Variants in LRRC4C observed in about 807,000 individuals in gnomAD.
LRRC4C encodes the protein leucine-rich repeat-containing protein 4C.
A neutral mutation model predicts 33.6 loss-of-function variants in LRRC4C; 5 were observed. The observed-to-expected ratio is 0.15, with a 90% confidence interval of 0.08 to 0.31. The LOEUF (loss-of-function observed/expected upper bound fraction) is 0.31. LRRC4C is among the 10% of genes least tolerant of loss of function. The pLI, the probability that LRRC4C is intolerant of heterozygous loss-of-function variation, is 1.00. For missense variants in LRRC4C, 560 were observed against 796.7 expected, an observed-to-expected ratio of 0.70 and a Z score of 3.58; for synonymous variants, 329 against 302.0, an observed-to-expected ratio of 1.09 and a Z score of -0.93.
At chr11:40,921,667 A>ATT (rs1240994262) in intron 2 of LRRC4C, among the ~76,000 whole-genome samples, 8 of 152,310 alleles carry the variant, frequency 5.3e-5, no homozygotes, top group Admixed American at 1.3e-4. Context: ...TACATATGAC[A>ATT]TTTTGATACC....
intron 1 of LRRC4C, among the ~76,000 whole-genome samples, chr11:41,056,038 T>G (rs1858597233): frequency 6.6e-6 from 1 of 152,220 alleles, no homozygotes; most frequent in African/African-American, 2.4e-5. Flanking sequence ...CACAAGATCA[T>G]GGGTCCTCAG....
intron 1 of LRRC4C, among the ~76,000 whole-genome samples, chr11:41,065,384 T>G (rs1938152668): frequency 6.6e-6 from 1 of 152,072 alleles, no homozygotes; most frequent in Admixed American, 6.5e-5. Flanking sequence ...CTGCAGGAAA[T>G]CCAGCAGCTC....
chr11:41,163,956 T>C (rs1944600797), intron 1 of LRRC4C, among the ~76,000 whole-genome samples: 1 of 152,156 alleles, frequency 6.6e-6, no homozygotes, highest in Non-Finnish European at 1.5e-5. Context: ...TTGTTGTGGA[T>C]ATATAATAGT....
At chr11:40,710,915 C>A (rs981908626) in intron 2 of LRRC4C, among the ~76,000 whole-genome samples, 1 of 152,206 alleles carries the variant, frequency 6.6e-6, no homozygotes, top group Non-Finnish European at 1.5e-5. Context: ...TGTGGATGCT[C>A]CTCCCCTAGT....
At chr11:40,689,034 A>G (rs1316828735) in intron 2 of LRRC4C, among the ~76,000 whole-genome samples, 1 of 152,190 alleles carries the variant, frequency 6.6e-6, no homozygotes, top group South Asian at 2.1e-4. Context: ...TCTTGTAAAC[A>G]CTATTATTTT....
At chr11:41,248,738 A>G (rs1206171287) in intron 1 of LRRC4C, among the ~76,000 whole-genome samples, 1 of 152,156 alleles carries the variant, frequency 6.6e-6, no homozygotes, top group Non-Finnish European at 1.5e-5. Context: ...TCTCTTCTCT[A>G]AACTACAACT....
intron 2 of LRRC4C, among the ~76,000 whole-genome samples, chr11:40,926,940 C>T (rs1321780963): frequency 6.6e-6 from 1 of 152,096 alleles, no homozygotes. Context: ...GTGTTCAGAT[C>T]ATTAGGGGAC....
chr11:41,177,655 C>T (rs1282472147), intron 1 of LRRC4C, among the ~76,000 whole-genome samples: 1 of 152,088 alleles, frequency 6.6e-6, no homozygotes, highest in African/African-American at 2.4e-5. Flanking sequence ...TGTTGACTCC[C>T]CTGCAATCAG....
intron 1 of LRRC4C, among the ~76,000 whole-genome samples, chr11:41,329,413 C>T (rs540274447): frequency 7.6e-4 from 115 of 152,316 alleles, no homozygotes; most frequent in Non-Finnish European, 1.5e-3. Flanking sequence ...ACTATCTCTT[C>T]TTTTTGCAAT....
At chr11:40,852,224 A>G (rs1158994006) in intron 2 of LRRC4C, among the ~76,000 whole-genome samples, 1 of 152,018 alleles carries the variant, frequency 6.6e-6, no homozygotes, top group Non-Finnish European at 1.5e-5. Flanking sequence ...CTGGGGATTA[A>G]ATATCACATA....
intron 2 of LRRC4C, among the ~76,000 whole-genome samples, chr11:40,821,489 T>C (rs547077878): frequency 6.6e-6 from 1 of 151,700 alleles, no homozygotes; most frequent in African/African-American, 2.4e-5. Context: ...AAGTAAATCC[T>C]TACAGGTGTA....
intron 1 of LRRC4C, among the ~76,000 whole-genome samples, chr11:41,446,220 C>G (rs900778511): frequency 6.6e-6 from 1 of 152,226 alleles, no homozygotes; most frequent in South Asian, 2.1e-4. Flanking sequence ...CAGATCTATT[C>G]CTGCCCCAGC....
chr11:40,689,197 G>T (rs1487909800), intron 2 of LRRC4C, among the ~76,000 whole-genome samples: 3 of 152,034 alleles, frequency 2.0e-5, no homozygotes, highest in Non-Finnish European at 4.4e-5. Flanking sequence ...GCTTTATCTT[G>T]TTTAAATCTC....
At chr11:40,535,378 T>C (rs1956428314) in intron 3 of LRRC4C, among the ~76,000 whole-genome samples, 1 of 152,218 alleles carries the variant, frequency 6.6e-6, no homozygotes, top group South Asian at 2.1e-4. Context: ...TCAGCTCTAG[T>C]GACTACCTTG....
chr11:41,092,088 A>G (rs1230810495), intron 1 of LRRC4C, among the ~76,000 whole-genome samples: 1 of 152,210 alleles, frequency 6.6e-6, no homozygotes, highest in African/African-American at 2.4e-5. Context: ...TTTTTACAAT[A>G]AAAACGTATT....
chr11:40,212,057 T>G (rs975691115), intron 5 of LRRC4C, among the ~76,000 whole-genome samples: 1 of 152,188 alleles, frequency 6.6e-6, no homozygotes, highest in African/African-American at 2.4e-5. Flanking sequence ...TTATATACAT[T>G]GAAGTAAAGT....
chr11:40,768,690 A>G (rs1433629269), intron 2 of LRRC4C, among the ~76,000 whole-genome samples: 1 of 152,158 alleles, frequency 6.6e-6, no homozygotes, highest in Non-Finnish European at 1.5e-5. Flanking sequence ...CATCATATGC[A>G]AATCAATCAG....
intron 3 of LRRC4C, among the ~76,000 whole-genome samples, chr11:40,362,877 C>A (rs1158727273): frequency 1.3e-5 from 2 of 152,104 alleles, no homozygotes; most frequent in Non-Finnish European, 2.9e-5. Context: ...CCATCTCACA[C>A]CAGTCAGAAT....
intron 1 of LRRC4C, among the ~76,000 whole-genome samples, chr11:41,163,538 C>T (rs1426354346): frequency 6.6e-6 from 1 of 151,666 alleles, no homozygotes; most frequent in Non-Finnish European, 1.5e-5. Context: ...CTTACCTCGG[C>T]CTCCTAAAGT....
Sources: allele counts gnomAD v4.1 joint callset (sites outside exome capture counted in the v4.1 genomes callset), GRCh38; gene constraint gnomAD v4.1.1; transcripts MANE v1.5; gene names NCBI Gene and HGNC (gene_info 2026-07-23, HGNC 2026-07-21).